CDH3: variants seen among roughly 807,000 people sequenced by gnomAD.
CDH3 encodes the protein cadherin-3.
CDH3 carries 54 observed loss-of-function variants against 82.0 expected under a neutral mutation model. The observed-to-expected ratio is 0.66, with a 90% CI of 0.53 to 0.83. The LOEUF (loss-of-function observed/expected upper bound fraction) is 0.83, where lower values mean the gene tolerates loss of function less well. Among genes scored for constraint, CDH3 ranks in the 40% least tolerant of loss-of-function variants. The probability of loss-of-function intolerance (pLI) is 0.00; values close to 1 mark genes in which losing one functional copy is unlikely to be tolerated. For synonymous variants in CDH3, 446 were observed against 437.9 expected (o/e 1.02, Z -0.23); for missense variants, 1,054 against 1,084.6 (o/e 0.97, Z 0.40).
chr16:68,676,251 T>G, intron 2 of CDH3, 134 bp from the exon 3 acceptor site: 1 of 715,970 alleles, frequency 1.4e-6, no homozygotes, highest in African/African-American at 1.7e-5. Flanking sequence ...TCAGAGAAAG[T>G]AAGCCAAGTC....
At chr16:68,727,454 A>G (rs1396797076) in exon 3 of CDH3, among the ~76,000 whole-genome samples, 1 of 152,184 alleles carries the variant, frequency 6.6e-6, no homozygotes, top group East Asian at 1.9e-4. Context: ...ACTGTGTAAC[A>G]TCAGGCCAAT....
intron 8 of CDH3, among the ~76,000 whole-genome samples, chr16:68,681,818 G>T (rs892922303): frequency 6.6e-6 from 1 of 152,130 alleles, no homozygotes; most frequent in Non-Finnish European, 1.5e-5. Context: ...AGCCTGAGCG[G>T]CAGACTGAGA....
At chr16:68,686,413 T>C (rs999683428) in intron 11 of CDH3, 2 of 1,365,792 alleles carry the variant, frequency 1.5e-6, no homozygotes, top group Non-Finnish European at 2.1e-6. Context: ...TTTCTTCCAC[T>C]CTTTGACCGA....
In CDH3 at chr16:68,695,303, A is replaced by G. The variant is rs993528184; in HGVS notation, c.2051A>G (p.Lys684Arg). ...LLLVRKKRKI[K>R]EPLLLPEDDT... The stretch of plus-strand genomic sequence containing the variant: ...TTGGTGAGAAAGAAGCGGAAGATCA[A>G]GGAGCCCCTCCTACTCCCAGAAGAT... Residue 684 changes from lysine to arginine, a missense_variant, in exon 14 of 16, where the codon AAG becomes AGG. By Grantham distance (26) the Lys-to-Arg change is conservative (BLOSUM62 2). Transcript: ENST00000264012. The G allele has an allele frequency of 5.6e-6, 9 of 1,614,018 alleles. No homozygotes were observed. The African/African-American group carries it at 1.2e-4, about 22-fold the overall frequency.
intron 2 of CDH3, chr16:68,650,970 G>T: frequency 3.2e-5 from 7 of 217,250 alleles, no homozygotes; most frequent in Non-Finnish European, 6.5e-5. Flanking sequence ...GGAAAACGTA[G>T]AAAAACACCA....
At chr16:68,725,307 C>G (rs965060580) in intron 2 of CDH3, among the ~76,000 whole-genome samples, 1 of 151,958 alleles carries the variant, frequency 6.6e-6, no homozygotes, top group Non-Finnish European at 1.5e-5. Context: ...GCACTCCCGT[C>G]TGCCATGTTT....
At chr16:68,726,603 G>C (rs1223420490) in intron 2 of CDH3, among the ~76,000 whole-genome samples, 1 of 142,962 alleles carries the variant, frequency 7.0e-6, no homozygotes, top group Non-Finnish European at 1.5e-5. Flanking sequence ...TTTTGAGACA[G>C]AGTCTCGCTC....
At chr16:68,670,042 G>C (rs1462937976) in intron 2 of CDH3, among the ~76,000 whole-genome samples, 1 of 151,986 alleles carries the variant, frequency 6.6e-6, no homozygotes, top group Non-Finnish European at 1.5e-5. Context: ...GACCAACATA[G>C]TGAAACCCTG....
At chr16:68,677,693 G>A (rs540839171) in intron 3 of CDH3, among the ~76,000 whole-genome samples, 2 of 152,300 alleles carry the variant, frequency 1.3e-5, no homozygotes, top group South Asian at 2.1e-4. Context: ...AGCTGAGATC[G>A]TGCCACTGCA....
At chr16:68,676,138 G>A (rs1160185787) in intron 2 of CDH3, among the ~76,000 whole-genome samples, 1 of 152,158 alleles carries the variant, frequency 6.6e-6, no homozygotes, top group South Asian at 2.1e-4. Context: ...CTGGGACCAA[G>A]AACAAAGAAG....
intron 2 of CDH3, chr16:68,651,361 G>A (rs9928377): frequency 0.014 from 7,490 of 554,366 alleles, 383 homozygotes; most frequent in African/African-American, 0.12. Flanking sequence ...GTCCACGGGG[G>A]CAGGATATGG....
At position 68,687,494 on chromosome 16, in the gene CDH3, A is replaced by C. The variant is rs368900553; in HGVS notation, c.1571-18A>C. On this transcript the variant is annotated intron_variant, in intron 11 of 15. Transcript: ENST00000264012. ...GGGTGGGTCACAGGGAGCTCATCAT[A>C]TGTGTCATTACAAACAGGAAGCCCT... The C allele has an allele frequency of 2.8e-5, 45 of 1,606,034 alleles. No individual in the cohort carries two copies. Among genetic ancestry groups the C allele is most frequent in the Non-Finnish European group, 1.7e-6 (2 of 1,173,022 alleles).
chr16:68,708,530 C>A (rs942104812), intron 1 of CDH3, among the ~76,000 whole-genome samples: 1 of 152,202 alleles, frequency 6.6e-6, no homozygotes, highest in Non-Finnish European at 1.5e-5. Flanking sequence ...GTCAGCCTGT[C>A]AGAGATGCCA....
intron 11 of CDH3, 28 bp from the exon 12 acceptor site, chr16:68,687,484 A>T (rs746802542): frequency 1.3e-6 from 2 of 1,587,870 alleles, no homozygotes; most frequent in Non-Finnish European, 1.7e-6. Flanking sequence ...GGTCACAGGG[A>T]GCTCATCATA....
chr16:68,690,107 C>T (rs1961523945), intron 12 of CDH3, among the ~76,000 whole-genome samples: 1 of 152,162 alleles, frequency 6.6e-6, no homozygotes. Flanking sequence ...GAGTGGTGCC[C>T]AGTGTGCAGG....
intron 2 of CDH3, among the ~76,000 whole-genome samples, chr16:68,726,245 C>G (rs1330989274): frequency 1.3e-5 from 2 of 152,070 alleles, no homozygotes; most frequent in Non-Finnish European, 2.9e-5. Flanking sequence ...TGTGTCTGCT[C>G]TATAGGCTGG....
chr16:68,651,343 G>A (rs1960237413), intron 2 of CDH3: 1 of 553,518 alleles, frequency 1.8e-6, no homozygotes, highest in Non-Finnish European at 3.7e-6. Context: ...GAGGCTGATG[G>A]TCGAGTGGTC....
At chr16:68,666,857 C>T (rs1240497936) in intron 2 of CDH3, among the ~76,000 whole-genome samples, 1 of 152,056 alleles carries the variant, frequency 6.6e-6, no homozygotes, top group East Asian at 1.9e-4. Context: ...TGTGGCACAG[C>T]ATAATTAACT....
At chr16:68,671,620 C>A (rs1302684218) in intron 2 of CDH3, among the ~76,000 whole-genome samples, 2 of 145,110 alleles carry the variant, frequency 1.4e-5, no homozygotes, top group Admixed American at 7.3e-5. Flanking sequence ...CTCCTGGGTT[C>A]AAGCGATTCT....
Sources: allele counts gnomAD v4.1 joint callset (sites outside exome capture counted in the v4.1 genomes callset), GRCh38; gene constraint gnomAD v4.1.1; transcripts MANE v1.5; gene names NCBI Gene and HGNC (gene_info 2026-07-23, HGNC 2026-07-21).